The following TMEM39A variants were observed in gnomAD, a reference collection of about 807,000 sequenced individuals.
TMEM39A encodes the protein transmembrane protein 39A.
In TMEM39A, 19 loss-of-function variants were observed where a neutral mutation model predicts 51.9. The ratio of observed to expected loss-of-function variants is 0.37; its 90% CI spans 0.26 to 0.54. TMEM39A has a LOEUF of 0.54. Among genes scored for constraint, TMEM39A ranks in the 20% least tolerant of loss-of-function variants. The probability of loss-of-function intolerance (pLI) is 0.88; values close to 1 mark genes in which losing one functional copy is unlikely to be tolerated. For missense variants in TMEM39A, 433 were observed against 590.5 expected, an observed-to-expected ratio of 0.73 and a Z score of 2.76; for synonymous variants, 197 against 220.2, an observed-to-expected ratio of 0.89 and a Z score of 0.93.
At chr3:119,434,704 G>A in intron 8 of TMEM39A, 58 bp downstream of exon 8, 1 of 1,595,056 alleles carries the variant, frequency 6.3e-7, no homozygotes, top group Non-Finnish European at 8.6e-7. Flanking sequence ...TCCACATAGA[G>A]TGGCCTCCTA....
At chr3:119,462,720 T>C (rs1210542949) in intron 1 of TMEM39A, among the ~76,000 whole-genome samples, 2 of 147,084 alleles carry the variant, frequency 1.4e-5, no homozygotes, top group Non-Finnish European at 3.0e-5. Flanking sequence ...CCAGTAGTTC[T>C]TTTAACAGTT....
chr3:119,458,022 G>C lies in TMEM39A; in HGVS notation c.332C>G (p.Ser111Ter). ...TAAAGTCTGAGTAAGACTTACCAGT[G>C]ATGTACAAGAAGCAGGATGATTGTA... The part of the protein sequence containing the change: ...YPYNHPASCT[S>*]LNFHLIDYHL... Residue 111 changes from serine to a stop codon, truncating the protein, a stop_gained, in exon 3 of 9, where the codon TCA becomes TGA. Transcript: ENST00000319172. LOFTEE classifies it high-confidence loss of function. The C allele has an allele frequency of 6.2e-7, 1 of 1,611,732 alleles. No homozygotes were observed.
At chr3:119,435,702 C>T in intron 7 of TMEM39A, 4 of 995,848 alleles carry the variant, frequency 4.0e-6, no homozygotes, top group Non-Finnish European at 3.6e-6. Flanking sequence ...AATTCTAGCA[C>T]CCTAAAGCTT....
At chr3:119,460,033 A>G (rs1318298808) in intron 2 of TMEM39A, among the ~76,000 whole-genome samples, 2 of 152,090 alleles carry the variant, frequency 1.3e-5, no homozygotes, top group East Asian at 3.9e-4. Flanking sequence ...CCACCAAGAA[A>G]GAAATATAAA....
chr3:119,445,124 G>T (rs1298721718), intron 5 of TMEM39A, among the ~76,000 whole-genome samples: 2 of 152,046 alleles, frequency 1.3e-5, no homozygotes, highest in East Asian at 3.8e-4. Context: ...GGGTTTGATG[G>T]GAAAGTGGCA....
At chr3:119,436,565 A>T (rs2080970417) in intron 7 of TMEM39A, 1 of 462,844 alleles carries the variant, frequency 2.2e-6, no homozygotes, top group Non-Finnish European at 3.9e-6. Context: ...CACACACTAG[A>T]GTGACTGGGC....
chr3:119,450,595 G>A (rs1297418836), intron 4 of TMEM39A, among the ~76,000 whole-genome samples: 1 of 152,196 alleles, frequency 6.6e-6, no homozygotes, highest in East Asian at 1.9e-4. Flanking sequence ...GCCAAGGTGG[G>A]TGGATCACTT....
chr3:119,456,493 C>T (rs1359314811), intron 3 of TMEM39A, among the ~76,000 whole-genome samples: 2 of 152,184 alleles, frequency 1.3e-5, no homozygotes, highest in South Asian at 2.1e-4. Flanking sequence ...TTTTGGCCCA[C>T]ATTTCCTTTC....
rs2080885138 is a variant in TMEM39A at position 119,430,501 on chromosome 3, A to G, written c.*1480T>C. On this transcript the variant is annotated 3_prime_UTR_variant, in exon 9 of 9. Transcript: ENST00000319172. ...AGCTCTGTGCAAGTAGGACCTTTGC[A>G]TTTCTCATTCACTGCTATATCCCCA... 1 of 151,970 alleles carries G rather than the reference A, an allele frequency of 6.6e-6. No homozygotes were observed. Among genetic ancestry groups the G allele is most frequent in the Non-Finnish European group, 1.5e-5 (1 of 67,984 alleles). The allele number at this position is 151,970 out of a possible 1,614,324, so 9.4% of individuals were successfully genotyped here. A position where few individuals can be genotyped will look rare whatever the true frequency, so the allele number is the denominator to read the frequency against.
At position 119,430,358 on chromosome 3, in the gene TMEM39A, T is replaced by C. The variant is rs2080883239; in HGVS notation, c.*1623A>G. 1 of 152,126 alleles carries C rather than the reference T, an allele frequency of 6.6e-6. No individual in the cohort carries two copies. The highest frequency in any genetic ancestry group is 2.4e-5 in the African/African-American group (1 of 41,428). The allele number at this position is 152,126 out of a possible 1,614,324, so 9.4% of individuals were successfully genotyped here. A position where few individuals can be genotyped will look rare whatever the true frequency, so the allele number is the denominator to read the frequency against. Reference sequence around the variant, plus strand: ...CAGTGCTATTCTTACCACTATTTCCTTGTCCTGATTTCCCTTTGCTACACT... The same window carrying C: ...CAGTGCTATTCTTACCACTATTTCCCTGTCCTGATTTCCCTTTGCTACACT... On this transcript the variant is annotated 3_prime_UTR_variant, in exon 9 of 9. Transcript: ENST00000319172.
At chr3:119,456,493 C>CA (rs1224879109) in intron 3 of TMEM39A, among the ~76,000 whole-genome samples, 1 of 152,184 alleles carries the variant, frequency 6.6e-6, no homozygotes, top group Non-Finnish European at 1.5e-5. Flanking sequence ...TTTTGGCCCA[C>CA]ATTTCCTTTC....
rs2080888897 is a variant in TMEM39A at position 119,430,834 on chromosome 3, A to G, written c.*1147T>C. 2 of 152,140 alleles carry G rather than the reference A, an allele frequency of 1.3e-5. No homozygotes were observed. The highest frequency in any genetic ancestry group is 2.1e-4 in the South Asian group (1 of 4,834). 9.4% of individuals were successfully genotyped at this position (152,140 alleles called of 1,614,324 possible). A position where few individuals can be genotyped will look rare whatever the true frequency, so the allele number is the denominator to read the frequency against. On this transcript the variant is annotated 3_prime_UTR_variant, in exon 9 of 9. Transcript: ENST00000319172. Reference sequence around the variant, plus strand: ...TATTTTGTTTCACCAAAAGCTTCACAGTGTAACAAACCAAACTCAGCACAG... The same window carrying G: ...TATTTTGTTTCACCAAAAGCTTCACGGTGTAACAAACCAAACTCAGCACAG...
rs751735039 is a variant in TMEM39A at position 119,432,154 on chromosome 3, C to T, written c.1294G>A (p.Val432Ile). The T allele has an allele frequency of 1.4e-5, 22 of 1,612,978 alleles. No homozygotes were observed. The highest frequency in any genetic ancestry group is 9.9e-5 in the South Asian group (9 of 91,038). Residue 432 changes from valine (V) to isoleucine (I), a missense_variant, in exon 9 of 9, where the codon GTC becomes ATC. Around this residue, in one of 3 missense-constraint regions of TMEM39A, gnomAD observed 223 missense variants for 328.1 expected, o/e 0.68. Coordinates refer to ENST00000319172, the MANE Select transcript of TMEM39A (RefSeq NM_018266.3). ...AGCAAGGAATAGAGCTGATAGAAGA[C>T]GACACTGCCCTCAATAAGGATGAGC... ...NLLILIEGSV[V>I]FYQLYSLLRS... is the part of the protein sequence containing the mutation.
rs1292053607 is a variant in TMEM39A at position 119,429,273 on chromosome 3, A to G, written c.*2708T>C. Reference sequence around the variant, plus strand: ...TGGTGACTGATAGGGACAGGAAGGAAAGGAGGATTAGGAATATAAACATGG... The same window carrying G: ...TGGTGACTGATAGGGACAGGAAGGAGAGGAGGATTAGGAATATAAACATGG... On this transcript the variant is annotated 3_prime_UTR_variant, in exon 9 of 9. Transcript: ENST00000319172. Among the ~76,000 whole-genome samples, 1 of 152,064 alleles carries G rather than the reference A, an allele frequency of 6.6e-6. No homozygotes were observed. The highest frequency in any genetic ancestry group is 1.5e-5 in the Non-Finnish European group (1 of 67,966).
At position 119,431,382 on chromosome 3, in the gene TMEM39A, A is replaced by G. The variant is rs2080897763; in HGVS notation, c.*599T>C. 1 of 152,178 alleles carries G rather than the reference A, an allele frequency of 6.6e-6. No homozygotes were observed. The highest frequency in any genetic ancestry group is 2.4e-5 in the African/African-American group (1 of 41,448). 9.4% of individuals were successfully genotyped at this position (152,178 alleles called of 1,614,324 possible). A position where few individuals can be genotyped will look rare whatever the true frequency, so the allele number is the denominator to read the frequency against. On this transcript the variant is annotated 3_prime_UTR_variant, in exon 9 of 9. Transcript: ENST00000319172. The stretch of plus-strand genomic sequence containing the variant: ...TGGCAGCAAAACCCTCAGCCTCAGG[A>G]TAGTAGCTTATTCAAAAGTATATTT...
At chr3:119,446,912 C>A (rs184929988) in intron 5 of TMEM39A, 106 bp downstream of exon 5, 96 of 1,278,282 alleles carry the variant, frequency 7.5e-5, no homozygotes, top group Non-Finnish European at 8.5e-6. Context: ...CTAAATGCTT[C>A]ATTTATATTT....
intron 5 of TMEM39A, among the ~76,000 whole-genome samples, chr3:119,438,478 G>A (rs144357965): frequency 2.0e-4 from 30 of 152,230 alleles, no homozygotes; most frequent in Non-Finnish European, 3.8e-4. Context: ...AGTACCATGT[G>A]TTTTGTATCC....
intron 4 of TMEM39A, among the ~76,000 whole-genome samples, chr3:119,451,830 CAAAAA>C (rs10653676): frequency 3.7e-5 from 2 of 54,304 alleles, no homozygotes; most frequent in Non-Finnish European, 6.4e-5. Flanking sequence ...AACTCCGTCT[CAAAAA>C]AAAAAAAAAA....
chr3:119,438,009 C>T lies in TMEM39A; in HGVS notation c.670G>A (p.Val224Ile), dbSNP rs1440170936. 1.9e-6 allele frequency: 3 copies of T among 1,614,136 alleles called. No individual in the cohort carries two copies. The Admixed American group carries it at 5.0e-5, about 27-fold the overall frequency. Residue 224 changes from valine (V) to isoleucine (I), a missense_variant, in exon 6 of 9, where the codon GTA becomes ATA. Coordinates refer to ENST00000319172, the MANE Select transcript of TMEM39A (RefSeq NM_018266.3). Reference protein sequence around the residue: ...DYNYVVQHEAVEESASTVGGL... With the variant: ...DYNYVVQHEAIEESASTVGGL... ...CCCACAGTCGAGGCACTTTCCTCTA[C>T]TGCCTCGTGCTGAACCACATAGTTG... is the stretch of plus-strand genomic sequence containing the variant.
Sources: allele counts gnomAD v4.1 joint callset (sites outside exome capture counted in the v4.1 genomes callset), GRCh38; gene constraint gnomAD v4.1.1; regional missense constraint gnomAD v4.1.1; transcripts MANE v1.5; gene names NCBI Gene and HGNC (gene_info 2026-07-23, HGNC 2026-07-21).